PDE1A: variants seen among roughly 807,000 people sequenced by gnomAD.
PDE1A encodes phosphodiesterase 1A.
PDE1A carries 35 observed loss-of-function variants against 61.7 expected under a neutral mutation model. The ratio of observed to expected loss-of-function variants is 0.57; its 90% CI spans 0.43 to 0.75. PDE1A has a LOEUF of 0.75. PDE1A is among the 30% of genes least tolerant of loss of function. PDE1A has a pLI of 0.00. For synonymous variants in PDE1A, 232 were observed against 213.2 expected, an observed-to-expected ratio of 1.09 and a Z score of -0.77; for missense variants, 597 against 630.6, an observed-to-expected ratio of 0.95 and a Z score of 0.57.
At chr2:182,532,945 CAA>C in the PDE1A span, among the ~76,000 whole-genome samples, 169 of 21,138 alleles carry the variant, frequency 8.0e-3, no homozygotes, top group African/African-American at 0.029. Flanking sequence ...GACTCCGTCT[CAA>C]AAAAAAAAAA....
At chr2:182,540,384 AAGC>A in the PDE1A span, among the ~76,000 whole-genome samples, 473 of 77,466 alleles carry the variant, frequency 6.1e-3, 1 homozygote, top group African/African-American at 0.01. Context: ...AAAAAAAAAA[AAGC>A]AGCAGCAGCA....
At chr2:182,154,536 T>A (rs1374941135) in intron 13 of PDE1A, among the ~76,000 whole-genome samples, 3 of 152,128 alleles carry the variant, frequency 2.0e-5, no homozygotes, top group African/African-American at 7.2e-5. Context: ...ATGGGGGCAG[T>A]TTCCCCATAC....
the PDE1A span, among the ~76,000 whole-genome samples, chr2:182,631,528 G>A: frequency 1.7e-4 from 26 of 152,212 alleles, no homozygotes; most frequent in South Asian, 2.3e-3. Context: ...TCAGGAAAAC[G>A]CCTTCACAGG....
At chr2:182,346,881 C>T (rs1300509317) in intron 1 of PDE1A, among the ~76,000 whole-genome samples, 4 of 152,054 alleles carry the variant, frequency 2.6e-5, no homozygotes, top group Non-Finnish European at 4.4e-5. Context: ...CATCTAAGCC[C>T]GTACCAAAGA....
intron 2 of PDE1A, among the ~76,000 whole-genome samples, chr2:182,478,819 T>C (rs1455314931): frequency 1.3e-5 from 2 of 151,884 alleles, no homozygotes; most frequent in Non-Finnish European, 2.9e-5. Context: ...ACACTTCACA[T>C]CTCTCATCAT....
At chr2:182,277,598 A>C (rs1333010889) in intron 1 of PDE1A, among the ~76,000 whole-genome samples, 1 of 152,084 alleles carries the variant, frequency 6.6e-6, no homozygotes, top group East Asian at 1.9e-4. Context: ...GGCAAGACGA[A>C]TTTCTGATCT....
chr2:182,631,493 T>A, the PDE1A span, among the ~76,000 whole-genome samples: 3 of 152,252 alleles, frequency 2.0e-5, no homozygotes, highest in Admixed American at 6.5e-5. Flanking sequence ...CTTTACTCAG[T>A]TCACCAATTC....
chr2:182,163,539 A>G (rs1481551219), downstream of PDE1A, among the ~76,000 whole-genome samples: 1 of 152,186 alleles, frequency 6.6e-6, no homozygotes, highest in East Asian at 1.9e-4. Context: ...GGGGCAGGAA[A>G]TAAATCCAAC....
chr2:182,144,892 T>A (rs899234207), downstream of PDE1A, among the ~76,000 whole-genome samples: 1 of 152,154 alleles, frequency 6.6e-6, no homozygotes, highest in African/African-American at 2.4e-5. Flanking sequence ...GCCCTTACTC[T>A]GCCAGAGTAA....
At chr2:182,196,894 A>G (rs1176246663) in intron 10 of PDE1A, among the ~76,000 whole-genome samples, 1 of 151,870 alleles carries the variant, frequency 6.6e-6, no homozygotes, top group East Asian at 1.9e-4. Flanking sequence ...ACTCCTATAT[A>G]AGACATTTGG....
the PDE1A span, among the ~76,000 whole-genome samples, chr2:182,692,803 G>A: frequency 6.6e-6 from 1 of 151,604 alleles, no homozygotes; most frequent in Non-Finnish European, 1.5e-5. Context: ...TTCTTACACA[G>A]TAGTCAGTGT....
At chr2:182,186,207 C>A in intron 12 of PDE1A, 128 bp from the exon 13 acceptor site, 1 of 958,882 alleles carries the variant, frequency 1.0e-6, no homozygotes, top group Non-Finnish European at 1.5e-6. Context: ...GTTCTGAGCA[C>A]GTGGCAGCTG....
chr2:182,289,052 C>G (rs1348623937), intron 1 of PDE1A, among the ~76,000 whole-genome samples: 1 of 149,148 alleles, frequency 6.7e-6, no homozygotes, highest in African/African-American at 2.4e-5. Flanking sequence ...CTTGCTACTT[C>G]TGGTTGTCCA....
the PDE1A span, among the ~76,000 whole-genome samples, chr2:182,543,512 A>G: frequency 6.6e-6 from 1 of 152,206 alleles, no homozygotes; most frequent in African/African-American, 2.4e-5. Context: ...ATCAAACTAT[A>G]AAAGGAACAG....
chr2:182,698,080 T>C, the PDE1A span, among the ~76,000 whole-genome samples: 5 of 152,190 alleles, frequency 3.3e-5, no homozygotes, highest in African/African-American at 7.2e-5. Flanking sequence ...AAGAGCAGCA[T>C]TGAAGGTTAG....
At chr2:182,690,263 TC>T in the PDE1A span, among the ~76,000 whole-genome samples, 11 of 152,102 alleles carry the variant, frequency 7.2e-5, no homozygotes, top group African/African-American at 2.7e-4. Context: ...TTGATGAACA[TC>T]GATGCAAAAT....
At chr2:182,217,915 C>G (rs1234098049) in intron 7 of PDE1A, among the ~76,000 whole-genome samples, 1 of 152,000 alleles carries the variant, frequency 6.6e-6, no homozygotes, top group African/African-American at 2.4e-5. Context: ...CATCCCATTA[C>G]TGGGTATATA....
At position 182,186,607 on chromosome 2, in the gene PDE1A, G is replaced by A. The variant is rs751930176; in HGVS notation, c.1208-19C>T. On this transcript the variant is annotated intron_variant, in intron 11 of 13. Coordinates refer to ENST00000351439, the Ensembl canonical transcript of PDE1A. ...ATGAAACCTACAAAAGCCAAAATGA[G>A]AAGAGAGAGAGATAAATTCAAGTGT... is the stretch of plus-strand genomic sequence containing the variant. 3.2e-6 allele frequency: 5 copies of A among 1,580,668 alleles called. No individual in the cohort carries two copies. The highest frequency in any genetic ancestry group is 1.7e-4 in the Middle Eastern group (1 of 5,918).
chr2:182,491,887 A>G (rs1688417206), intron 2 of PDE1A, among the ~76,000 whole-genome samples: 1 of 152,288 alleles, frequency 6.6e-6, no homozygotes, highest in Non-Finnish European at 1.5e-5. Context: ...AGGACCACTC[A>G]GGCTTTTTAT....
Sources: gnomAD v4.1 joint callset for allele counts (sites outside exome capture counted in the v4.1 genomes callset) on GRCh38, gnomAD v4.1.1 for gene constraint, MANE v1.5 for transcripts, NCBI Gene and HGNC (gene_info 2026-07-23, HGNC 2026-07-21) for gene names.